Variants in NUDT5 observed in about 807,000 individuals in gnomAD.
The protein encoded by NUDT5 is ADP-sugar pyrophosphatase.
A neutral mutation model predicts 34.1 loss-of-function variants in NUDT5; 21 were observed. The ratio of observed to expected loss-of-function variants is 0.62; its 90% CI spans 0.44 to 0.89. The LOEUF is 0.89. Among genes scored for constraint, NUDT5 ranks in the 40% least tolerant of loss-of-function variants. The pLI is 0.00. For missense variants in NUDT5, 249 were observed against 274.8 expected (o/e 0.91, Z 0.66); for synonymous variants, 85 against 97.6 (o/e 0.87, Z 0.76).
chr10:12,177,823 T>C lies in NUDT5; in HGVS notation c.259A>G (p.Met87Val), dbSNP rs768734754. ...GGGAACTCTATGCAGTAGCCCCCCA[T>C]TGGTGGTCGGAACTGTTTCACCAGA... is the stretch of plus-strand genomic sequence containing the variant. ...IVLVKQFRPP[M>V]GGYCIEFPAG... The change falls in exon 5 of 10, where the codon ATG becomes GTG. Residue 87 changes from methionine (M) to valine (V), a missense_variant. Transcript: ENST00000491614. 3.9e-5 allele frequency: 63 copies of C among 1,613,960 alleles called. No homozygotes were observed. The highest frequency in any genetic ancestry group is 1.6e-4 in the Middle Eastern group (1 of 6,084).
In NUDT5 at chr10:12,169,476, C is replaced by G; in HGVS notation, c.550+1241G>C. On this transcript the variant is annotated intron_variant, in intron 9 of 9. Coordinates refer to ENST00000491614, the MANE Select transcript of NUDT5 (RefSeq NM_014142.4). This position sits in a 1 kb window ranked among gnomAD's most constrained non-coding sequence, Gnocchi z 4.8. ...GTTTGATGTGATAGCTAATTATGGT[C>G]CGCGGAGCCTCAAACCGAGTCGGGC... is the stretch of plus-strand genomic sequence containing the variant. 1.7e-6 allele frequency: 1 copy of G among 586,674 alleles called. No individual in the cohort carries two copies. Among genetic ancestry groups the G allele is most frequent in the Non-Finnish European group, 3.0e-6 (1 of 338,856 alleles). The allele number at this position is 586,674 out of a possible 1,614,324, so 36.3% of individuals were successfully genotyped here. A position where few individuals can be genotyped will look rare whatever the true frequency, so the allele number is the denominator to read the frequency against.
intron 3 of NUDT5, among the ~76,000 whole-genome samples, chr10:12,183,472 G>A (rs976065103): frequency 6.6e-6 from 1 of 152,192 alleles, no homozygotes; most frequent in Non-Finnish European, 1.5e-5. Context: ...TGACTGGCAA[G>A]CCCATGTATT....
chr10:12,171,592 A>T lies in NUDT5; in HGVS notation c.488-684T>A, dbSNP rs779512681. Reference sequence around the variant, plus strand: ...GTAGACTTAGGAGATGAAATGCCAGATCATATAATAATTCTGTATCTAATA... The same window carrying T: ...GTAGACTTAGGAGATGAAATGCCAGTTCATATAATAATTCTGTATCTAATA... On this transcript the variant is annotated intron_variant, in intron 7 of 9. Transcript: ENST00000491614. The surrounding 1 kb of genome is among the most constrained non-coding windows in gnomAD (Gnocchi z 4.2). 2.6e-5 allele frequency among the ~76,000 whole-genome samples: 4 copies of T among 152,136 alleles called. No homozygotes were observed. Among genetic ancestry groups the T allele is most frequent in the Non-Finnish European group, 5.9e-5 (4 of 68,034 alleles).
In NUDT5 at chr10:12,167,190, G is replaced by T. The variant is rs2131692142; in HGVS notation, c.*512C>A. On this transcript the variant is annotated 3_prime_UTR_variant, in exon 10 of 10. Transcript: ENST00000491614. ...GAGGATTCTATCGAACCCTACCCTAGTTGGATTCAACTACCCTAGATAAAT... is the reference window on the plus strand; with the variant it reads ...GAGGATTCTATCGAACCCTACCCTATTTGGATTCAACTACCCTAGATAAAT... 1 of 159,034 alleles carries T rather than the reference G, an allele frequency of 6.3e-6. No individual in the cohort carries two copies. Among genetic ancestry groups the T allele is most frequent in the South Asian group, 1.8e-4 (1 of 5,660 alleles). 9.9% of individuals were successfully genotyped at this position (159,034 alleles called of 1,614,324 possible). A position where few individuals can be genotyped will look rare whatever the true frequency, so the allele number is the denominator to read the frequency against.
intron 7 of NUDT5, chr10:12,172,494 T>C (rs142459933): frequency 2.7e-5 from 13 of 480,994 alleles, no homozygotes; most frequent in African/African-American, 2.3e-4. Flanking sequence ...CTGCAGCTCA[T>C]ATTACTAAGT....
chr10:12,166,022 A>G lies in NUDT5; in HGVS notation c.*1680T>C, dbSNP rs1203247177. On this transcript the variant is annotated 3_prime_UTR_variant, in exon 10 of 10. Coordinates refer to ENST00000491614, the MANE Select transcript of NUDT5 (RefSeq NM_014142.4). ...TTTAAACAGTGCCAGCCAGACTGCC[A>G]GTTCTCAAACAGACTGAATTTCCAA... The G allele has an allele frequency of 6.6e-6, 1 of 152,280 alleles. No individual in the cohort carries two copies. The highest frequency in any genetic ancestry group is 1.5e-5 in the Non-Finnish European group (1 of 68,054). 9.4% of individuals were successfully genotyped at this position (152,280 alleles called of 1,614,324 possible).
intron 1 of NUDT5, among the ~76,000 whole-genome samples, chr10:12,193,967 C>T (rs1835283842): frequency 6.6e-6 from 1 of 152,080 alleles, no homozygotes; most frequent in Admixed American, 6.5e-5. Flanking sequence ...ACCTCCGCCT[C>T]CCGGATTCAA....
chr10:12,190,558 G>A (rs1400203419), intron 1 of NUDT5, among the ~76,000 whole-genome samples: 1 of 151,684 alleles, frequency 6.6e-6, no homozygotes, highest in African/African-American at 2.4e-5. Flanking sequence ...TGTTTTAAAG[G>A]AGGGACACAC....
chr10:12,183,337 T>C (rs1412028293), intron 3 of NUDT5, among the ~76,000 whole-genome samples: 1 of 152,230 alleles, frequency 6.6e-6, no homozygotes, highest in Non-Finnish European at 1.5e-5. Context: ...TGTGCTTAGC[T>C]TTCTTACTGC....
chr10:12,183,942 T>A (rs1429962082), intron 3 of NUDT5, among the ~76,000 whole-genome samples: 2 of 152,380 alleles, frequency 1.3e-5, no homozygotes, highest in African/African-American at 4.8e-5. Context: ...ATTTCCTATT[T>A]TTAAGATATT....
At position 12,175,882 on chromosome 10, in the gene NUDT5, C is replaced by G. The variant is rs1834941388; in HGVS notation, c.289+1911G>C. Among the ~76,000 whole-genome samples the G allele has an allele frequency of 6.6e-6, 1 of 151,624 alleles. No homozygotes were observed. The highest frequency in any genetic ancestry group is 1.5e-5 in the Non-Finnish European group (1 of 67,934). ...AGCCTCAGCAACAGAGACCCCATCTCAAAGAAAAAAGAAAAAGTGAGAGAA... is the reference window on the plus strand; with the variant it reads ...AGCCTCAGCAACAGAGACCCCATCTGAAAGAAAAAAGAAAAAGTGAGAGAA... On this transcript the variant is annotated intron_variant, in intron 5 of 9. Transcript: ENST00000491614. The surrounding 1 kb of genome is among the most constrained non-coding windows in gnomAD (Gnocchi z 4.8).
At chr10:12,183,148 C>T (rs930448409) in intron 3 of NUDT5, among the ~76,000 whole-genome samples, 4 of 152,270 alleles carry the variant, frequency 2.6e-5, no homozygotes, top group Non-Finnish European at 5.9e-5. Flanking sequence ...GTTCCAACCT[C>T]TCTATAGTTT....
intron 1 of NUDT5, among the ~76,000 whole-genome samples, chr10:12,194,875 T>A (rs760368636): frequency 1.6e-5 from 2 of 128,148 alleles, no homozygotes; most frequent in African/African-American, 3.1e-5. Flanking sequence ...AGCGGCTGGT[T>A]GGTAGGCCCG....
At position 12,169,188 on chromosome 10, in the gene NUDT5, T is replaced by A; in HGVS notation, c.551-1377A>T. 1 of 1,000,430 alleles carries A rather than the reference T, an allele frequency of 1.0e-6. No homozygotes were observed. Among genetic ancestry groups the A allele is most frequent in the Non-Finnish European group, 1.5e-6 (1 of 674,262 alleles). The allele number at this position is 1,000,430 out of a possible 1,614,324, so 62.0% of individuals were successfully genotyped here. ...GGCAACTTGGTTCTTTTACCCCTCC[T>A]CCTTTATAGCCATAGTAGCCCTCTC... On this transcript the variant is annotated intron_variant, in intron 9 of 9. Transcript: ENST00000491614. The surrounding 1 kb of genome is among the most constrained non-coding windows in gnomAD (Gnocchi z 4.8).
chr10:12,185,065 C>T (rs1362809402), intron 2 of NUDT5, 109 bp from the exon 3 acceptor site: 3 of 644,536 alleles, frequency 4.7e-6, no homozygotes, highest in Non-Finnish European at 8.3e-6. Context: ...TCCCAATAAT[C>T]ATCTTTCCTT....
chr10:12,193,942 T>C (rs952257137), intron 1 of NUDT5, among the ~76,000 whole-genome samples: 4 of 151,962 alleles, frequency 2.6e-5, no homozygotes, highest in African/African-American at 9.7e-5. Context: ...AGTGGCGCGA[T>C]CTCGGCTCAT....
chr10:12,185,214 C>T (rs1422818191), intron 2 of NUDT5, among the ~76,000 whole-genome samples: 1 of 151,978 alleles, frequency 6.6e-6, no homozygotes, highest in East Asian at 1.9e-4. Flanking sequence ...AGTCTAAAAA[C>T]TCCTGGGGGC....
At chr10:12,176,983 G>A (rs922137217) in intron 5 of NUDT5, among the ~76,000 whole-genome samples, 2 of 151,986 alleles carry the variant, frequency 1.3e-5, no homozygotes, top group Non-Finnish European at 2.9e-5. Flanking sequence ...TTAGCCACGT[G>A]TGGTGACACA....
intron 1 of NUDT5, among the ~76,000 whole-genome samples, chr10:12,193,910 C>T (rs1835282229): frequency 6.6e-6 from 1 of 151,268 alleles, no homozygotes; most frequent in African/African-American, 2.4e-5. Flanking sequence ...AAGAGTCTCG[C>T]TCTGTTGCCA....
Sources: gnomAD v4.1 joint callset for allele counts (sites outside exome capture counted in the v4.1 genomes callset) on GRCh38, gnomAD v4.1.1 for gene constraint, Gnocchi (gnomAD v3.1) non-coding constraint, MANE v1.5 for transcripts, NCBI Gene and HGNC (gene_info 2026-07-23, HGNC 2026-07-21) for gene names.